Variants in RTL9 observed in about 807,000 individuals in gnomAD.
The protein encoded by RTL9 is retrotransposon Gag-like protein 9.
Under a neutral mutation model 44.7 loss-of-function variants are expected in RTL9, and 19 were observed. The observed-to-expected ratio is 0.42, with a 90% CI of 0.30 to 0.62. The LOEUF is 0.62. Ranked by LOEUF, RTL9 falls within the 20% of genes least tolerant of loss-of-function variation. The pLI is 0.16. For synonymous variants in RTL9, 407 were observed against 398.9 expected, an observed-to-expected ratio of 1.02 and a Z score of -0.24; for missense variants, 1,105 against 1,080.6, an observed-to-expected ratio of 1.02 and a Z score of -0.32.
chrX:110,439,498 G>C (rs2068864009), intron 1 of RTL9, among the ~76,000 whole-genome samples: 1 of 112,119 alleles, frequency 8.9e-6, no homozygotes, highest in South Asian at 3.8e-4. Context: ...ATAAAAGATG[G>C]AGAAGCCAGC....
chrX:110,443,555 C>G (rs1414830843), intron 1 of RTL9, among the ~76,000 whole-genome samples: 1 of 112,277 alleles, frequency 8.9e-6, no homozygotes, highest in Admixed American at 9.4e-5. Context: ...AATTTAAAGT[C>G]TTTTGGAAAT....
At chrX:110,434,790 A>T (rs2068824238) in intron 1 of RTL9, among the ~76,000 whole-genome samples, 1 of 110,356 alleles carries the variant, frequency 9.1e-6, no homozygotes, top group Non-Finnish European at 1.9e-5. Context: ...CAGTCAAGGG[A>T]TATTAGTTGA....
intron 1 of RTL9, among the ~76,000 whole-genome samples, chrX:110,429,761 C>T (rs770656791): frequency 3.6e-5 from 4 of 112,132 alleles, no homozygotes; most frequent in East Asian, 2.8e-4. Context: ...GGATTACAGG[C>T]GTTGAGCCAC....
At chrX:110,423,720 C>T (rs958846390) in intron 1 of RTL9, among the ~76,000 whole-genome samples, 7 of 112,476 alleles carry the variant, frequency 6.2e-5, no homozygotes, top group African/African-American at 2.3e-4. Flanking sequence ...GAGGGACTCT[C>T]TCAGGTCCAG....
Position 110,454,683 on chromosome X carries a change from G to A in RTL9, c.4047+19G>A, listed in dbSNP as rs768049921. Reference sequence around the variant, plus strand: ...TGAGGAGGTAATGAGGGGGAAATCCGCTGAAGGTTTTTGAGCAGAGAAATG... The same window carrying A: ...TGAGGAGGTAATGAGGGGGAAATCCACTGAAGGTTTTTGAGCAGAGAAATG... On this transcript the variant is annotated intron_variant, in intron 1 of 1. Coordinates refer to ENST00000540313, the Ensembl canonical transcript of RTL9. The A allele has an allele frequency of 4.4e-6, 5 of 1,145,688 alleles. No homozygotes were observed. Among genetic ancestry groups the A allele is most frequent in the African/African-American group, 3.6e-5 (2 of 55,369 alleles). 94.4% of individuals were successfully genotyped at this position (1,145,688 alleles called of 1,213,427 possible). A position where few individuals can be genotyped will look rare whatever the true frequency, so the allele number is the denominator to read the frequency against.
exon 1 of RTL9, chrX:110,452,224 T>A (rs1485062397): frequency 8.3e-7 from 1 of 1,211,931 alleles, no homozygotes; most frequent in Admixed American, 2.2e-5. Flanking sequence ...TCTGGATCAA[T>A]GTCCATGCTG....
chrX:110,451,500 C>A (rs749452596), exon 1 of RTL9: 3 of 1,211,842 alleles, frequency 2.5e-6, no homozygotes, highest in Non-Finnish European at 3.4e-6. Context: ...TGGGGGAATA[C>A]CTACCCCGCT....
At chrX:110,422,605 G>T (rs768371781) in intron 1 of RTL9, among the ~76,000 whole-genome samples, 6 of 112,427 alleles carry the variant, frequency 5.3e-5, no homozygotes, top group African/African-American at 6.5e-5. Context: ...AATGTAACTT[G>T]CAGGTCACTT....
At chrX:110,450,721 C>A in exon 1 of RTL9, 1 of 1,210,751 alleles carries the variant, frequency 8.3e-7, no homozygotes, top group Non-Finnish European at 1.1e-6. Flanking sequence ...ATGACAGAGA[C>A]CAGAGCAGAC....
chrX:110,434,895 G>A (rs1218625311), intron 1 of RTL9, among the ~76,000 whole-genome samples: 1 of 109,451 alleles, frequency 9.1e-6, no homozygotes, highest in Non-Finnish European at 1.9e-5. Flanking sequence ...ATTTAATGAG[G>A]GAGGTGGTGG....
chrX:110,370,732 C>T (rs1271334399), intron 1 of RTL9, among the ~76,000 whole-genome samples: 1 of 112,432 alleles, frequency 8.9e-6, no homozygotes, highest in Non-Finnish European at 1.9e-5. Flanking sequence ...AGATGTGAGA[C>T]AACGGCAAGT....
intron 1 of RTL9, among the ~76,000 whole-genome samples, chrX:110,409,807 G>A (rs763459437): frequency 6.3e-5 from 7 of 111,465 alleles, no homozygotes; most frequent in African/African-American, 2.3e-4. Context: ...GAAGGGCAGG[G>A]GGCAGCACCT....
chrX:110,451,306 C>A, exon 1 of RTL9: 2 of 1,211,302 alleles, frequency 1.7e-6, no homozygotes, highest in Non-Finnish European at 2.2e-6. Flanking sequence ...GAGGCAATGT[C>A]CCCATTGCAA....
intron 1 of RTL9, among the ~76,000 whole-genome samples, chrX:110,423,869 A>C (rs370998483): frequency 1.1e-4 from 12 of 112,200 alleles, no homozygotes; most frequent in African/African-American, 3.6e-4. Flanking sequence ...AATTATTGAG[A>C]CAGTTCTTAT....
chrX:110,424,830 C>T (rs752034306), intron 1 of RTL9, among the ~76,000 whole-genome samples: 3 of 111,974 alleles, frequency 2.7e-5, no homozygotes, highest in South Asian at 3.8e-4. Flanking sequence ...AGTGTTGTCC[C>T]GTTAATCTCT....
chrX:110,442,247 C>CTCTCTCTGTGTG (rs1556214261), intron 1 of RTL9, among the ~76,000 whole-genome samples: 10 of 97,043 alleles, frequency 1.0e-4, no homozygotes, highest in African/African-American at 3.9e-4. Context: ...CTCTCTCTCT[C>CTCTCTCTGTGTG]TGTGTGTGTG....
chrX:110,438,993 T>G (rs1223108503), intron 1 of RTL9, among the ~76,000 whole-genome samples: 2 of 112,156 alleles, frequency 1.8e-5, no homozygotes, highest in African/African-American at 6.5e-5. Context: ...GATGGCTTCC[T>G]AGCCAAGATA....
At chrX:110,394,487 G>T (rs1183554338) in intron 1 of RTL9, among the ~76,000 whole-genome samples, 2 of 112,446 alleles carry the variant, frequency 1.8e-5, no homozygotes, top group South Asian at 3.7e-4. Context: ...TCTTTATTTA[G>T]AAGTTTGGTG....
intron 1 of RTL9, among the ~76,000 whole-genome samples, chrX:110,364,514 A>G (rs5985461): frequency 0.077 from 8,523 of 111,275 alleles, 710 homozygotes; most frequent in African/African-American, 0.25. Context: ...TGGTTTCCTA[A>G]GTAGATTTCC....
Sources: allele counts gnomAD v4.1 joint callset (sites outside exome capture counted in the v4.1 genomes callset), GRCh38; gene constraint gnomAD v4.1.1; transcripts MANE v1.5; gene names NCBI Gene and HGNC (gene_info 2026-07-23, HGNC 2026-07-21).